The following XRRA1 variants were observed in gnomAD, a reference collection of about 807,000 sequenced individuals.
XRRA1 encodes X-ray radiation resistance associated 1.
A neutral mutation model predicts 80.2 loss-of-function variants in XRRA1; 69 were observed. The ratio of observed to expected loss-of-function variants is 0.86; its 90% CI spans 0.71 to 1.05. The LOEUF (loss-of-function observed/expected upper bound fraction) is 1.05, where lower values mean the gene tolerates loss of function less well. Among genes scored for constraint, XRRA1 ranks in the 50% least tolerant of loss-of-function variants. XRRA1 has a pLI of 0.00. For synonymous variants in XRRA1, 348 were observed against 389.9 expected (o/e 0.89, Z 1.27); for missense variants, 967 against 976.4 (o/e 0.99, Z 0.13).
At chr11:74,867,013 C>G (rs1484419941) in intron 10 of XRRA1, among the ~76,000 whole-genome samples, 1 of 152,150 alleles carries the variant, frequency 6.6e-6, no homozygotes, top group Non-Finnish European at 1.5e-5. Flanking sequence ...CCAGCATAAG[C>G]ACACCCACTT....
At chr11:74,872,505 T>G in intron 10 of XRRA1, among the ~76,000 whole-genome samples, 1 of 152,078 alleles carries the variant, frequency 6.6e-6, no homozygotes, top group East Asian at 1.9e-4. Flanking sequence ...CTTTGCAAAC[T>G]TGCAAAGTCC....
intron 10 of XRRA1, among the ~76,000 whole-genome samples, chr11:74,874,992 A>T (rs114654546): frequency 0.025 from 3,743 of 152,318 alleles, 162 homozygotes; most frequent in African/African-American, 0.085. Flanking sequence ...TCTTACAAGA[A>T]CACTTGAATT....
chr11:74,860,972 G>A (rs1447623167), intron 11 of XRRA1, among the ~76,000 whole-genome samples: 2 of 152,210 alleles, frequency 1.3e-5, no homozygotes, highest in Non-Finnish European at 2.9e-5. Flanking sequence ...TTGGGGCTTT[G>A]CACCAGCATG....
chr11:74,841,151 C>A lies in XRRA1; in HGVS notation c.*2049G>T, dbSNP rs2036479066. On this transcript the variant is annotated 3_prime_UTR_variant, in exon 19 of 19. Transcript: ENST00000684022. ...TAATTAAGAATTAAAAGCCAGCTAG[C>A]CAAATTTTCTTTAAAAATTGGAAAC... The A allele has an allele frequency of 6.6e-6, 1 of 152,020 alleles. No individual in the cohort carries two copies. Among genetic ancestry groups the A allele is most frequent in the South Asian group, 2.1e-4 (1 of 4,808 alleles). 9.4% of individuals were successfully genotyped at this position (152,020 alleles called of 1,614,324 possible). A position where few individuals can be genotyped will look rare whatever the true frequency, so the allele number is the denominator to read the frequency against.
chr11:74,931,043 G>A (rs1316691417), intron 5 of XRRA1, among the ~76,000 whole-genome samples: 1 of 151,986 alleles, frequency 6.6e-6, no homozygotes, highest in Non-Finnish European at 1.5e-5. Context: ...CTGCGCTCAA[G>A]TAATCCGCCT....
intron 15 of XRRA1, chr11:74,846,066 A>G (rs1367411189): frequency 6.6e-6 from 1 of 152,066 alleles, no homozygotes; most frequent in African/African-American, 2.4e-5. Context: ...GGAGTGGGAG[A>G]CCACCAGGTT....
Position 74,840,940 on chromosome 11 carries a change from G to T in XRRA1, c.*2260C>A, listed in dbSNP as rs889497940. ...GGGATACCCCCAAATGATTTAGGAG[G>T]TTATTTTATTTTAATAGTTTTTTCT... On this transcript the variant is annotated 3_prime_UTR_variant, in exon 19 of 19. Coordinates refer to ENST00000684022, the MANE Select transcript of XRRA1 (RefSeq NM_001378157.1). 1 of 151,942 alleles carries T rather than the reference G, an allele frequency of 6.6e-6. No individual in the cohort carries two copies. Among genetic ancestry groups the T allele is most frequent in the Non-Finnish European group, 1.5e-5 (1 of 67,988 alleles). 9.4% of individuals were successfully genotyped at this position (151,942 alleles called of 1,614,324 possible).
chr11:74,879,789 C>T (rs1000782478), intron 10 of XRRA1, among the ~76,000 whole-genome samples: 41 of 148,444 alleles, frequency 2.8e-4, no homozygotes, highest in Non-Finnish European at 5.7e-4. Flanking sequence ...GTATATTGAA[C>T]CAGCCTTGCA....
intron 9 of XRRA1, 38 bp downstream of exon 9, chr11:74,907,107 T>C: frequency 6.2e-7 from 1 of 1,611,478 alleles, no homozygotes; most frequent in Non-Finnish European, 8.5e-7. Flanking sequence ...AGCCTGGGGA[T>C]TAGAGGAGGC....
intron 10 of XRRA1, among the ~76,000 whole-genome samples, chr11:74,903,125 T>C (rs2053887786): frequency 6.6e-6 from 1 of 152,264 alleles, no homozygotes; most frequent in Non-Finnish European, 1.5e-5. Flanking sequence ...CCTTATGTAC[T>C]ACTTGTGTGA....
At position 74,927,477 on chromosome 11, in the gene XRRA1, T is replaced by A. The variant is rs769872390; in HGVS notation, c.436A>T (p.Thr146Ser). 17 of 1,610,500 alleles carry A rather than the reference T, an allele frequency of 1.1e-5. No individual in the cohort carries two copies. The highest frequency in any genetic ancestry group is 1.4e-5 in the Non-Finnish European group (16 of 1,176,790). The change falls in exon 7 of 19, where the codon ACG becomes TCG. Residue 146 changes from threonine (T) to serine (S), a missense_variant. Physicochemically the swap from Thr to Ser is moderately conservative, Grantham distance 58. Transcript: ENST00000684022. ...ENLLPLEAFH[T>S]FPALKELDLA... ...TCCAGTTCCTTTAGGGCTGGAAACG[T>A]GTGAAATGCCTCTACATGGGGAAGA...
intron 11 of XRRA1, among the ~76,000 whole-genome samples, chr11:74,862,101 C>T (rs907106741): frequency 1.3e-5 from 2 of 152,242 alleles, no homozygotes; most frequent in South Asian, 4.1e-4. Context: ...CTCTTGAAAC[C>T]CTGATGCTGT....
chr11:74,853,989 G>C (rs987916475), intron 12 of XRRA1, among the ~76,000 whole-genome samples: 2 of 152,100 alleles, frequency 1.3e-5, no homozygotes, highest in Non-Finnish European at 2.9e-5. Context: ...GTAGATACTG[G>C]GGGGGCGGAG....
intron 10 of XRRA1, among the ~76,000 whole-genome samples, chr11:74,877,709 G>A (rs1406377673): frequency 2.7e-5 from 4 of 148,612 alleles, no homozygotes; most frequent in East Asian, 2.0e-4. Flanking sequence ...GAGAATATGC[G>A]GTGTTTGGTT....
At chr11:74,880,795 G>A (rs915601634) in intron 10 of XRRA1, among the ~76,000 whole-genome samples, 5 of 151,676 alleles carry the variant, frequency 3.3e-5, no homozygotes, top group Admixed American at 3.3e-4. Flanking sequence ...TTAATCCTGA[G>A]TTCCAGTTTG....
In XRRA1 at chr11:74,843,064, G is replaced by T. The variant is rs1000144931; in HGVS notation, c.*136C>A. 1.6e-6 allele frequency: 2 copies of T among 1,232,942 alleles called. No homozygotes were observed. The highest frequency in any genetic ancestry group is 2.2e-6 in the Non-Finnish European group (2 of 913,844). 76.4% of individuals were successfully genotyped at this position (1,232,942 alleles called of 1,614,324 possible). ...TCCTGACAAGGGGATGCCACCTTGT[G>T]GCCAGCAAGTGGGGCCCAGCTGAGC... On this transcript the variant is annotated 3_prime_UTR_variant, in exon 19 of 19. Transcript: ENST00000684022.
At chr11:74,887,290 A>G (rs535731256) in intron 10 of XRRA1, among the ~76,000 whole-genome samples, 1 of 152,370 alleles carries the variant, frequency 6.6e-6, no homozygotes, top group East Asian at 1.9e-4. Flanking sequence ...GATAAAGTAT[A>G]GAATCAGAGA....
At chr11:74,931,374 G>C (rs1772563233) in intron 5 of XRRA1, among the ~76,000 whole-genome samples, 1 of 151,298 alleles carries the variant, frequency 6.6e-6, no homozygotes, top group African/African-American at 2.4e-5. Context: ...ACTCAGGCTG[G>C]AGTGCAATGG....
At chr11:74,879,513 T>C (rs1458224934) in intron 10 of XRRA1, among the ~76,000 whole-genome samples, 1 of 151,552 alleles carries the variant, frequency 6.6e-6, no homozygotes, top group Non-Finnish European at 1.5e-5. Context: ...TGAATAGGAG[T>C]GGTGAGAGAG....
Sources: allele counts gnomAD v4.1 joint callset (sites outside exome capture counted in the v4.1 genomes callset), GRCh38; gene constraint gnomAD v4.1.1; transcripts MANE v1.5; gene names NCBI Gene and HGNC (gene_info 2026-07-23, HGNC 2026-07-21).